The following DUSP16 variants were observed in gnomAD, a reference collection of about 807,000 sequenced individuals.
The protein encoded by DUSP16 is dual specificity phosphatase 16.
A neutral mutation model predicts 58.3 loss-of-function variants in DUSP16; 21 were observed. That is an observed-to-expected ratio of 0.36 (90% CI 0.26 to 0.52). The LOEUF (loss-of-function observed/expected upper bound fraction) is 0.52. Ranked by LOEUF, DUSP16 falls within the 20% of genes least tolerant of loss-of-function variation. The pLI is 0.94. For missense variants in DUSP16, 726 were observed against 819.0 expected (o/e 0.89, Z 1.39); for synonymous variants, 320 against 323.8 (o/e 0.99, Z 0.12).
rs1565972559 is a variant in DUSP16 at position 12,479,882 on chromosome 12, T to TC, written c.815+340dup. ...CTGCAGTGAGCATTCTATTAGAGCT[T>TC]CCCCCCATCATATGCAAATTAAAAC... On this transcript the variant is annotated intron_variant, in intron 6 of 6. Coordinates refer to ENST00000298573, the MANE Select transcript of DUSP16 (RefSeq NM_030640.3). 4.6e-5 allele frequency among the ~76,000 whole-genome samples: 7 copies of TC among 152,260 alleles called. 1 individual carries two copies. In the South Asian group the frequency reaches 1.2e-3, roughly 27 times the overall value.
chr12:12,492,423 T>C (rs118011400), intron 4 of DUSP16, among the ~76,000 whole-genome samples: 7 of 152,236 alleles, frequency 4.6e-5, no homozygotes, highest in African/African-American at 7.2e-5. Context: ...ACCTGCTGTT[T>C]TGGGCGAACT....
rs1033428377 is a variant in DUSP16 at position 12,475,513 on chromosome 12, T to A, written c.*1320A>T. The A allele has an allele frequency of 6.6e-6, 1 of 152,202 alleles. No homozygotes were observed. Among genetic ancestry groups the A allele is most frequent in the African/African-American group, 2.4e-5 (1 of 41,422 alleles). The allele number at this position is 152,202 out of a possible 1,614,324, so 9.4% of individuals were successfully genotyped here. On this transcript the variant is annotated 3_prime_UTR_variant, in exon 7 of 7. Coordinates refer to ENST00000298573, the MANE Select transcript of DUSP16 (RefSeq NM_030640.3). Reference sequence around the variant, plus strand: ...GCTTGGCCATGGCTTTGCACTCTATTCACAACTGATCAAAACTCAATGGTC... The same window carrying A: ...GCTTGGCCATGGCTTTGCACTCTATACACAACTGATCAAAACTCAATGGTC...
intron 4 of DUSP16, among the ~76,000 whole-genome samples, chr12:12,488,199 C>A (rs573345992): frequency 6.6e-6 from 1 of 152,146 alleles, no homozygotes; most frequent in Non-Finnish European, 1.5e-5. Context: ...TCTGTTCACA[C>A]GATTCCTGTG....
intron 1 of DUSP16, among the ~76,000 whole-genome samples, chr12:12,557,727 C>CT (rs1308880499): frequency 6.6e-6 from 1 of 152,166 alleles, no homozygotes; most frequent in Non-Finnish European, 1.5e-5. Context: ...TTTAACATCA[C>CT]TTTTTTAATG....
In DUSP16 at chr12:12,482,959, C is replaced by T. The variant is rs151021831; in HGVS notation, c.692-2613G>A. On this transcript the variant is annotated intron_variant, in intron 5 of 6. Coordinates refer to ENST00000298573, the MANE Select transcript of DUSP16 (RefSeq NM_030640.3). ...AACTCCTGGCCTCAAGCAATCCTCC[C>T]GCCTCCGCTTCCCAAAGTGCTGTGA... Among the ~76,000 whole-genome samples the T allele has an allele frequency of 1.3e-3, 204 of 152,224 alleles. 11 individuals carry two copies. The highest frequency in any genetic ancestry group is 7.8e-4 in the Non-Finnish European group (53 of 68,010).
chr12:12,530,324 A>G (rs1406200974), intron 1 of DUSP16, among the ~76,000 whole-genome samples: 3 of 152,184 alleles, frequency 2.0e-5, no homozygotes, highest in Non-Finnish European at 4.4e-5. Context: ...GAAAAATGTC[A>G]GGTCTTTCAC....
At chr12:12,548,661 A>G in intron 1 of DUSP16, among the ~76,000 whole-genome samples, 1 of 150,264 alleles carries the variant, frequency 6.7e-6, no homozygotes, top group East Asian at 2.0e-4. Flanking sequence ...AAAGAAAAAG[A>G]AAAAGAAAAA....
intron 3 of DUSP16, among the ~76,000 whole-genome samples, chr12:12,518,512 C>CAA (rs879763438): frequency 8.3e-6 from 1 of 120,406 alleles, no homozygotes; most frequent in Non-Finnish European, 1.8e-5. Flanking sequence ...AATTCTGTCT[C>CAA]AAAAAAAAAA....
chr12:12,529,292 TAG>T (rs1379470323), intron 1 of DUSP16, among the ~76,000 whole-genome samples: 1 of 152,018 alleles, frequency 6.6e-6, no homozygotes, highest in Non-Finnish European at 1.5e-5. Flanking sequence ...TTATTTCTTG[TAG>T]AGACGGGGTC....
chr12:12,502,641 TC>T (rs1216018653), intron 3 of DUSP16, among the ~76,000 whole-genome samples: 1 of 149,882 alleles, frequency 6.7e-6, no homozygotes, highest in Admixed American at 6.7e-5. Context: ...AATCTCCGCC[TC>T]CCGAGTTCAA....
At chr12:12,514,643 C>G (rs2136226534) in intron 3 of DUSP16, among the ~76,000 whole-genome samples, 1 of 152,234 alleles carries the variant, frequency 6.6e-6, no homozygotes, top group East Asian at 1.9e-4. Context: ...ATGGCACTAC[C>G]TCTCTCTAGC....
chr12:12,554,843 G>T (rs1022300340), intron 1 of DUSP16, among the ~76,000 whole-genome samples: 1 of 151,862 alleles, frequency 6.6e-6, no homozygotes, highest in African/African-American at 2.4e-5. Context: ...TTGGTTGGTG[G>T]GTATTATCAA....
intron 1 of DUSP16, among the ~76,000 whole-genome samples, chr12:12,556,661 C>A (rs1000000850): frequency 1.3e-5 from 2 of 151,944 alleles, no homozygotes; most frequent in African/African-American, 4.8e-5. Flanking sequence ...AAAATGTGCC[C>A]CAAAACATGA....
chr12:12,546,221 A>G (rs1363911254), intron 1 of DUSP16, among the ~76,000 whole-genome samples: 5 of 152,156 alleles, frequency 3.3e-5, no homozygotes, highest in Non-Finnish European at 7.3e-5. Context: ...TGGTCTACTA[A>G]TGATCACCCA....
intron 1 of DUSP16, among the ~76,000 whole-genome samples, chr12:12,535,089 G>A (rs1333645868): frequency 6.6e-6 from 1 of 152,152 alleles, no homozygotes; most frequent in Non-Finnish European, 1.5e-5. Flanking sequence ...AATAACCTCT[G>A]CACATGCAGA....
intron 5 of DUSP16, among the ~76,000 whole-genome samples, chr12:12,485,835 C>T (rs1943673308): frequency 7.3e-6 from 1 of 137,322 alleles, no homozygotes; most frequent in South Asian, 2.3e-4. Context: ...ACTCTGCTGC[C>T]TAGGCTGGAG....
intron 4 of DUSP16, among the ~76,000 whole-genome samples, chr12:12,493,700 G>A (rs1415247805): frequency 2.0e-5 from 3 of 152,030 alleles, no homozygotes; most frequent in Admixed American, 6.6e-5. Flanking sequence ...TGCCTGTACT[G>A]CTCTTCCTCC....
intron 1 of DUSP16, among the ~76,000 whole-genome samples, chr12:12,551,705 T>C (rs200751673): frequency 0.064 from 9,642 of 151,602 alleles, 453 homozygotes; most frequent in East Asian, 0.2. Flanking sequence ...TTTTTTTTTT[T>C]TTTCCGAGAT....
rs994065365 is a variant in DUSP16 at position 12,475,188 on chromosome 12, G to C, written c.*1645C>G. 1.3e-5 allele frequency: 2 copies of C among 152,096 alleles called. No individual in the cohort carries two copies. Among genetic ancestry groups the C allele is most frequent in the African/African-American group, 4.8e-5 (2 of 41,380 alleles). 9.4% of individuals were successfully genotyped at this position (152,096 alleles called of 1,614,324 possible). A position where few individuals can be genotyped will look rare whatever the true frequency, so the allele number is the denominator to read the frequency against. On this transcript the variant is annotated 3_prime_UTR_variant, in exon 7 of 7. Transcript: ENST00000298573. ...CCTGAGATACGAGGCAGCAACTAGC[G>C]ACACTTACAGGAAGGGAAAGAACAA...
Sources: allele counts gnomAD v4.1 joint callset (sites outside exome capture counted in the v4.1 genomes callset), GRCh38; gene constraint gnomAD v4.1.1; transcripts MANE v1.5; gene names NCBI Gene and HGNC (gene_info 2026-07-23, HGNC 2026-07-21).